CACNA1I: variants seen among roughly 807,000 people sequenced by gnomAD.
CACNA1I encodes voltage-dependent T-type calcium channel subunit alpha-1I.
A neutral mutation model predicts 201.6 loss-of-function variants in CACNA1I; 74 were observed. The observed-to-expected ratio is 0.37, with a 90% confidence interval of 0.30 to 0.45. CACNA1I has a LOEUF of 0.45. CACNA1I is among the 20% of genes least tolerant of loss of function. The pLI is 1.00. For synonymous variants in CACNA1I, 1,431 were observed against 1,345.2 expected (o/e 1.06, Z -1.40); for missense variants, 2,346 against 3,138.1 (o/e 0.75, Z 6.03).
chr22:39,603,370 G>A (rs1368069646), intron 3 of CACNA1I, among the ~76,000 whole-genome samples: 1 of 152,186 alleles, frequency 6.6e-6, no homozygotes, highest in Non-Finnish European at 1.5e-5. Flanking sequence ...TGAATCACAA[G>A]TGGGCTTTTC....
chr22:39,587,871 G>A (rs1482524299), intron 1 of CACNA1I: 1 of 326,084 alleles, frequency 3.1e-6, no homozygotes, highest in Admixed American at 3.8e-5. Flanking sequence ...TGCCTCCTGG[G>A]TTCAAGCAGT....
chr22:39,604,559 G>A (rs1933155279), intron 3 of CACNA1I, among the ~76,000 whole-genome samples: 2 of 152,134 alleles, frequency 1.3e-5, no homozygotes, highest in South Asian at 4.1e-4. Context: ...GATGTAGGTG[G>A]TCCTGGCTGA....
rs1259055814 is a variant in CACNA1I, at chr22:39,686,026, C to T, written c.6293C>T (p.Thr2098Ile). ...GGGGGCTCCACCAGCCCGGGCTGCA[C>T]CCACCACGACTCCATGGACCCCTCG... Reference protein sequence around the residue: ...SSGGSTSPGCTHHDSMDPSDE... With the variant: ...SSGGSTSPGCIHHDSMDPSDE... Residue 2098 changes from threonine to isoleucine, a missense_variant, in exon 37 of 37, where the codon ACC becomes ATC. Thr to Ile is a moderately conservative substitution (Grantham distance 89, BLOSUM62 -1). Transcript: ENST00000402142. The T allele has an allele frequency of 1.6e-4, 195 of 1,239,362 alleles. No homozygotes were observed. Among genetic ancestry groups the T allele is most frequent in the Non-Finnish European group, 1.9e-4 (191 of 995,732 alleles). The allele number at this position is 1,239,362 out of a possible 1,614,324, so 76.8% of individuals were successfully genotyped here. A position where few individuals can be genotyped will look rare whatever the true frequency, so the allele number is the denominator to read the frequency against.
At chr22:39,641,349 G>T (rs566498553) in intron 6 of CACNA1I, among the ~76,000 whole-genome samples, 167 bp downstream of exon 6, 4 of 152,240 alleles carry the variant, frequency 2.6e-5, no homozygotes. Context: ...AGAACCCAAG[G>T]TTCAAAGAAA....
intron 4 of CACNA1I, among the ~76,000 whole-genome samples, chr22:39,624,908 C>CTT (rs136810): frequency 5.9e-5 from 7 of 119,084 alleles, no homozygotes; most frequent in Middle Eastern, 4.2e-3. Context: ...GGGACACAGT[C>CTT]TTTTTTTTTT....
chr22:39,625,552 G>T (rs933641124), intron 4 of CACNA1I, among the ~76,000 whole-genome samples: 1 of 152,196 alleles, frequency 6.6e-6, no homozygotes, highest in Admixed American at 6.5e-5. Flanking sequence ...TCTCAACTTT[G>T]TCCAGGATGA....
chr22:39,668,809 G>GT (rs372804592), intron 24 of CACNA1I, among the ~76,000 whole-genome samples: 101 of 152,282 alleles, frequency 6.6e-4, no homozygotes, highest in African/African-American at 2.4e-3. Context: ...GAGGAGGCAG[G>GT]TAGTGTTAGG....
At position 39,684,628 on chromosome 22, in the gene CACNA1I, G is replaced by A; in HGVS notation, c.6027+130G>A. 1.0e-6 allele frequency: 1 copy of A among 1,000,136 alleles called. No homozygotes were observed. The highest frequency in any genetic ancestry group is 2.6e-5 in the East Asian group (1 of 38,350). 62.0% of individuals were successfully genotyped at this position (1,000,136 alleles called of 1,614,324 possible). On this transcript the variant is annotated intron_variant, in intron 36 of 36. Transcript: ENST00000402142. This position sits in a 1 kb window ranked among gnomAD's most constrained non-coding sequence, Gnocchi z 4.6. Reference sequence around the variant, plus strand: ...AGGCCGAGGGCACCACCGTGCAAGGGGGTTTGGGAACGCTGGGGTGACGCT... The same window carrying A: ...AGGCCGAGGGCACCACCGTGCAAGGAGGTTTGGGAACGCTGGGGTGACGCT...
chr22:39,619,554 C>T, intron 4 of CACNA1I, 147 bp downstream of exon 4: 1 of 656,334 alleles, frequency 1.5e-6, no homozygotes, highest in Non-Finnish European at 2.7e-6. Flanking sequence ...CTCAGGGATC[C>T]TGCGGTGTCT....
Position 39,677,876 on chromosome 22 carries a change from C to G in CACNA1I, c.4934-111C>G. ...CTGTGGGCTGGGCACAGTCTGCAGG[C>G]CCCTCCTAGGGTGTGATGAGGGTTC... On this transcript the variant is annotated intron_variant, in intron 30 of 36. Coordinates refer to ENST00000402142, the MANE Select transcript of CACNA1I (RefSeq NM_021096.4). The surrounding 1 kb of genome is among the most constrained non-coding windows in gnomAD (Gnocchi z 4.8). 2 of 1,234,364 alleles carry G rather than the reference C, an allele frequency of 1.6e-6. No homozygotes were observed. Among genetic ancestry groups the G allele is most frequent in the Admixed American group, 2.5e-5 (1 of 40,070 alleles). The allele number at this position is 1,234,364 out of a possible 1,614,324, so 76.5% of individuals were successfully genotyped here.
intron 1 of CACNA1I, among the ~76,000 whole-genome samples, chr22:39,589,806 C>A (rs1371094171): frequency 6.6e-6 from 1 of 152,120 alleles, no homozygotes; most frequent in Non-Finnish European, 1.5e-5. Flanking sequence ...AGGTGCTGGT[C>A]CACCTTCCCT....
At chr22:39,664,990 T>C (rs1411695981) in intron 21 of CACNA1I, 67 bp downstream of exon 21, 24 of 1,483,146 alleles carry the variant, frequency 1.6e-5, no homozygotes, top group Admixed American at 1.4e-4. Context: ...ACGGGTCGAA[T>C]TGGGCCCTCA....
At chr22:39,596,595 G>T (rs1268160623) in intron 1 of CACNA1I, among the ~76,000 whole-genome samples, 1 of 151,750 alleles carries the variant, frequency 6.6e-6, no homozygotes, top group Non-Finnish European at 1.5e-5. Flanking sequence ...CTGCAGGCCA[G>T]GCAAGGGCTT....
Position 39,679,165 on chromosome 22 carries a change from T to C in CACNA1I, c.5114T>C (p.Val1705Ala). The change falls in exon 32 of 37, where the codon GTG becomes GCG. Residue 1705 changes from valine (V) to alanine (A), a missense_variant. This residue lies in a region of CACNA1I where 64 missense variants were observed against 131.8 expected (regional missense o/e 0.49). Transcript: ENST00000402142. ...ERSCLSSLQF[V>A]SPLYFVSFVL... is the part of the protein sequence containing the mutation. ...AGCTGCCTGAGCAGCCTGCAGTTTG[T>C]GTCGCCGCTGTACTTCGTGAGCTTC... The C allele has an allele frequency of 6.3e-7, 1 of 1,592,076 alleles. No homozygotes were observed. The highest frequency in any genetic ancestry group is 8.5e-7 in the Non-Finnish European group (1 of 1,170,538).
intron 1 of CACNA1I, chr22:39,571,262 T>G (rs1428407990): frequency 1.9e-6 from 1 of 519,156 alleles, no homozygotes; most frequent in Admixed American, 3.2e-5. Flanking sequence ...AGTCCTTGAG[T>G]GTGGGCCCCA....
At chr22:39,680,784 C>T (rs187347795) in intron 33 of CACNA1I, 146 bp from the exon 34 acceptor site, 1 of 836,520 alleles carries the variant, frequency 1.2e-6, no homozygotes, top group Non-Finnish European at 1.7e-6. Flanking sequence ...AGGATGGACA[C>T]ATCATCCGTG....
intron 3 of CACNA1I, among the ~76,000 whole-genome samples, chr22:39,612,365 G>T (rs955262713): frequency 2.6e-5 from 4 of 152,198 alleles, no homozygotes; most frequent in Non-Finnish European, 4.4e-5. Context: ...TATAGCAGCA[G>T]AAAATGGACT....
chr22:39,674,571 C>A (rs1351531102), intron 29 of CACNA1I, among the ~76,000 whole-genome samples: 2 of 152,126 alleles, frequency 1.3e-5, no homozygotes, highest in Non-Finnish European at 2.9e-5. Flanking sequence ...TTGCTCTACC[C>A]GCACCCTGCG....
chr22:39,642,910 G>T (rs1243818759), intron 7 of CACNA1I, 21 bp downstream of exon 7: 1 of 1,518,136 alleles, frequency 6.6e-7, no homozygotes. Context: ...GGGAGCCTGG[G>T]CTCCTAGGTG....
Sources: gnomAD v4.1 joint callset for allele counts (sites outside exome capture counted in the v4.1 genomes callset) on GRCh38, gnomAD v4.1.1 for gene constraint, gnomAD v4.1.1 regional missense constraint, Gnocchi (gnomAD v3.1) non-coding constraint, MANE v1.5 for transcripts, NCBI Gene and HGNC (gene_info 2026-07-23, HGNC 2026-07-21) for gene names.